Variants in PNPLA8 observed in about 807,000 individuals in gnomAD.
PNPLA8 encodes calcium-independent phospholipase A2-gamma.
In PNPLA8, 39 loss-of-function variants were observed where a neutral mutation model predicts 76.9. The ratio of observed to expected loss-of-function variants is 0.51; its 90% confidence interval spans 0.39 to 0.66. PNPLA8 has a LOEUF of 0.66. Among genes scored for constraint, PNPLA8 ranks in the 30% least tolerant of loss-of-function variants. The pLI is 0.00. For synonymous variants in PNPLA8, 301 were observed against 307.9 expected (o/e 0.98, Z 0.24); for missense variants, 887 against 918.0 (o/e 0.97, Z 0.44).
In PNPLA8 at chr7:108,477,320, T is replaced by C. The variant is rs531419493; in HGVS notation, c.2074+1864A>G. On this transcript the variant is annotated intron_variant, in intron 10 of 10. Coordinates refer to ENST00000257694, the MANE Select transcript of PNPLA8 (RefSeq NM_001256007.3). Reference sequence around the variant, plus strand: ...TGGGAGAAAAAGAGTATTTTACTGATCTGGCAACAAAATTTCAGATAGTGA... The same window carrying C: ...TGGGAGAAAAAGAGTATTTTACTGACCTGGCAACAAAATTTCAGATAGTGA... 2.9e-4 allele frequency among the ~76,000 whole-genome samples: 44 copies of C among 152,330 alleles called. No homozygotes were observed. The South Asian group carries it at 7.9e-3, about 27-fold the overall frequency.
In PNPLA8 at chr7:108,471,648, G is replaced by T. The variant is rs1598852190; in HGVS notation, c.*753C>A. The T allele has an allele frequency of 2.0e-5, 3 of 152,154 alleles. No individual in the cohort carries two copies. Among genetic ancestry groups the T allele is most frequent in the African/African-American group, 4.8e-5 (2 of 41,450 alleles). 9.4% of individuals were successfully genotyped at this position (152,154 alleles called of 1,614,324 possible). A position where few individuals can be genotyped will look rare whatever the true frequency, so the allele number is the denominator to read the frequency against. On this transcript the variant is annotated 3_prime_UTR_variant, in exon 11 of 11. Transcript: ENST00000257694. Reference sequence around the variant, plus strand: ...CAGATTATTTAAATAGTTTATTTTTGTTAATGATAGGAATATCTCCTCAGT... The same window carrying T: ...CAGATTATTTAAATAGTTTATTTTTTTTAATGATAGGAATATCTCCTCAGT...
rs1862835399 is a variant in PNPLA8 at position 108,510,512 on chromosome 7, A to C, written c.1206+3632T>G. ...ACCCAAACTGGCATTTGTCATCAGAATCAGAGGTATCAGTGGCGTGAGCCC... is the reference window on the plus strand; with the variant it reads ...ACCCAAACTGGCATTTGTCATCAGACTCAGAGGTATCAGTGGCGTGAGCCC... On this transcript the variant is annotated intron_variant, in intron 4 of 10. Transcript: ENST00000257694. 5 of 1,367,764 alleles carry C rather than the reference A, an allele frequency of 3.7e-6. No homozygotes were observed. In the Admixed American group the frequency reaches 5.0e-5, roughly 14 times the overall value. 84.7% of individuals were successfully genotyped at this position (1,367,764 alleles called of 1,614,324 possible). A position where few individuals can be genotyped will look rare whatever the true frequency, so the allele number is the denominator to read the frequency against.
chr7:108,502,094 T>C (rs1469736443), intron 5 of PNPLA8, among the ~76,000 whole-genome samples: 2 of 152,074 alleles, frequency 1.3e-5, no homozygotes, highest in African/African-American at 2.4e-5. Flanking sequence ...ATTTTATTTA[T>C]ATCAAATCTT....
intron 8 of PNPLA8, among the ~76,000 whole-genome samples, chr7:108,490,549 T>C (rs978077556): frequency 2.0e-5 from 3 of 151,764 alleles, no homozygotes; most frequent in East Asian, 3.9e-4. Context: ...TTTGGGAGGC[T>C]GAGGTGGGCG....
chr7:108,511,084 A>G (rs528272467), intron 4 of PNPLA8: 2 of 672,022 alleles, frequency 3.0e-6, no homozygotes, highest in East Asian at 2.8e-5. Flanking sequence ...AAATACAAAT[A>G]AATTAAGCAT....
At position 108,514,497 on chromosome 7, in the gene PNPLA8, T is replaced by C. The variant is rs1041520737; in HGVS notation, c.995A>G (p.Gln332Arg). The change falls in exon 3 of 11, where the codon CAG becomes CGG. Residue 332 changes from glutamine to arginine, a missense_variant. Coordinates refer to ENST00000257694, the MANE Select transcript of PNPLA8 (RefSeq NM_001256007.3). ...TGCATTTCTGTCTTTGCTGACAGCCTGATCAGTTTTAGCAGGCTCTTCCTG... is the reference window on the plus strand; with the variant it reads ...TGCATTTCTGTCTTTGCTGACAGCCCGATCAGTTTTAGCAGGCTCTTCCTG... ...EEQEEPAKTD[Q>R]AVSKDRNAEE... The C allele has an allele frequency of 6.2e-7, 1 of 1,613,772 alleles. No homozygotes were observed. Among genetic ancestry groups the C allele is most frequent in the African/African-American group, 1.3e-5 (1 of 74,932 alleles).
intron 7 of PNPLA8, among the ~76,000 whole-genome samples, chr7:108,492,634 C>A (rs1365538574): frequency 6.6e-6 from 1 of 151,688 alleles, no homozygotes; most frequent in Non-Finnish European, 1.5e-5. Context: ...AATCAACATG[C>A]CTAGATTCTA....
chr7:108,483,279 C>G (rs1860525936), intron 9 of PNPLA8, among the ~76,000 whole-genome samples: 1 of 152,172 alleles, frequency 6.6e-6, no homozygotes, highest in African/African-American at 2.4e-5. Flanking sequence ...TGGCAAATGT[C>G]ATTTATCACC....
chr7:108,478,051 T>C (rs1184109140), intron 10 of PNPLA8, among the ~76,000 whole-genome samples: 1 of 151,948 alleles, frequency 6.6e-6, no homozygotes, highest in Non-Finnish European at 1.5e-5. Flanking sequence ...AAATATGTAA[T>C]ATATAATTAC....
At position 108,503,819 on chromosome 7, in the gene PNPLA8, AC is replaced by A. The variant is rs1452825141; in HGVS notation, c.1207-1178del. On this transcript the variant is annotated intron_variant, in intron 4 of 10. Coordinates refer to ENST00000257694, the MANE Select transcript of PNPLA8 (RefSeq NM_001256007.3). ...TCAGACAGAGGGCCCCAAATAAAGG[AC>A]AGAGAAACCAGCTGATCGTTTAGCA... 2.6e-5 allele frequency among the ~76,000 whole-genome samples: 4 copies of A among 152,224 alleles called. No individual in the cohort carries two copies. In the East Asian group the frequency reaches 7.7e-4, roughly 29 times the overall value.
chr7:108,493,568 C>CATTTTTTTTTTT (rs1554681577), intron 7 of PNPLA8, among the ~76,000 whole-genome samples: 2 of 81,210 alleles, frequency 2.5e-5, no homozygotes, highest in African/African-American at 9.6e-5. Flanking sequence ...CCATGCCTGG[C>CATTTTTTTTTTT]TTTTTTTTTT....
At chr7:108,519,070 A>T (rs1863561757) in intron 2 of PNPLA8, among the ~76,000 whole-genome samples, 1 of 73,694 alleles carries the variant, frequency 1.4e-5, no homozygotes. Flanking sequence ...GGGAAGTTTA[A>T]AAAAAAAAAA....
intron 4 of PNPLA8, among the ~76,000 whole-genome samples, chr7:108,507,454 G>GA (rs1275512702): frequency 6.6e-6 from 1 of 151,708 alleles, no homozygotes; most frequent in Non-Finnish European, 1.5e-5. Flanking sequence ...AAGAATTCGG[G>GA]ATCAACCTGA....
At position 108,472,271 on chromosome 7, in the gene PNPLA8, G is replaced by A. The variant is rs144690531; in HGVS notation, c.*130C>T. 88 of 645,388 alleles carry A rather than the reference G, an allele frequency of 1.4e-4. 1 individual carries two copies. Among genetic ancestry groups the A allele is most frequent in the African/African-American group, 1.2e-3 (63 of 54,126 alleles). 40.0% of individuals were successfully genotyped at this position (645,388 alleles called of 1,614,324 possible). A position where few individuals can be genotyped will look rare whatever the true frequency, so the allele number is the denominator to read the frequency against. The stretch of plus-strand genomic sequence containing the variant: ...TGCTATGCAAGCTGGTTGAAGCACC[G>A]TCTTTTTCAGGATTCTCCAGAATTC... On this transcript the variant is annotated 3_prime_UTR_variant, in exon 11 of 11. Coordinates refer to ENST00000257694, the MANE Select transcript of PNPLA8 (RefSeq NM_001256007.3).
At chr7:108,495,586 T>C (rs1861489702) in intron 7 of PNPLA8, among the ~76,000 whole-genome samples, 1 of 152,178 alleles carries the variant, frequency 6.6e-6, no homozygotes, top group African/African-American at 2.4e-5. Flanking sequence ...CTATTTCCTA[T>C]ATAATAATTA....
At chr7:108,512,370 C>T (rs548657419) in intron 4 of PNPLA8, among the ~76,000 whole-genome samples, 1 of 152,122 alleles carries the variant, frequency 6.6e-6, no homozygotes, top group South Asian at 2.1e-4. Flanking sequence ...TCTTTCTAAA[C>T]AGTCAAAGTT....
intron 8 of PNPLA8, among the ~76,000 whole-genome samples, chr7:108,489,596 C>T (rs1294323270): frequency 6.6e-6 from 1 of 152,144 alleles, no homozygotes; most frequent in Non-Finnish European, 1.5e-5. Flanking sequence ...TCATTAATAC[C>T]TATGTTGCCC....
At chr7:108,511,568 G>T (rs1862936570) in intron 4 of PNPLA8, among the ~76,000 whole-genome samples, 1 of 152,184 alleles carries the variant, frequency 6.6e-6, no homozygotes, top group South Asian at 2.1e-4. Context: ...TCCAGAAAGC[G>T]AGTCTTTCTG....
chr7:108,493,991 G>A (rs904489906), intron 7 of PNPLA8, among the ~76,000 whole-genome samples: 1 of 151,716 alleles, frequency 6.6e-6, no homozygotes, highest in Non-Finnish European at 1.5e-5. Context: ...ATATAGATAA[G>A]AATTTCAAAT....
Sources: gnomAD v4.1 joint callset for allele counts (sites outside exome capture counted in the v4.1 genomes callset) on GRCh38, gnomAD v4.1.1 for gene constraint, MANE v1.5 for transcripts, NCBI Gene and HGNC (gene_info 2026-07-23, HGNC 2026-07-21) for gene names.